The following EFHC2 variants were observed in gnomAD, a reference collection of about 807,000 sequenced individuals.
EFHC2 encodes the protein EF-hand domain containing 2, also known as EF-hand domain-containing family member C2.
In EFHC2, 18 loss-of-function variants were observed where a neutral mutation model predicts 52.7. That is an observed-to-expected ratio of 0.34 (90% CI 0.24 to 0.51). The LOEUF (loss-of-function observed/expected upper bound fraction) is 0.51, where lower values mean the gene tolerates loss of function less well. Among genes scored for constraint, EFHC2 ranks in the 20% least tolerant of loss-of-function variants. EFHC2 has a pLI of 0.97. For missense variants in EFHC2, 513 were observed against 562.5 expected (o/e 0.91, Z 0.89); for synonymous variants, 203 against 204.1 (o/e 0.99, Z 0.04).
At chrX:44,200,628 G>A (rs1035109709) in intron 11 of EFHC2, among the ~76,000 whole-genome samples, 1 of 111,100 alleles carries the variant, frequency 9.0e-6, no homozygotes, top group Non-Finnish European at 1.9e-5. Flanking sequence ...AAAAGACATG[G>A]AGAAAAAAGA....
chrX:44,320,347 A>G (rs955328029), intron 1 of EFHC2, among the ~76,000 whole-genome samples: 11 of 111,908 alleles, frequency 9.8e-5, no homozygotes, highest in African/African-American at 3.6e-4. Flanking sequence ...TCACATCCAC[A>G]GTGTTCAGGA....
intron 1 of EFHC2, among the ~76,000 whole-genome samples, chrX:44,328,104 T>G (rs1013793976): frequency 5.4e-5 from 6 of 111,970 alleles, no homozygotes; most frequent in Non-Finnish European, 9.4e-5. Flanking sequence ...TTGAAACCAC[T>G]GGCTCACGGT....
At chrX:44,228,294 A>C (rs1456830715) in intron 11 of EFHC2, among the ~76,000 whole-genome samples, 1 of 111,770 alleles carries the variant, frequency 8.9e-6, no homozygotes, top group Non-Finnish European at 1.9e-5. Flanking sequence ...GCCTGGCCTA[A>C]GTGCTTCCCA....
chrX:44,334,611 G>A lies in EFHC2; in HGVS notation c.42+8936C>T, dbSNP rs960312272. Among the ~76,000 whole-genome samples, 3 of 111,883 alleles carry A rather than the reference G, an allele frequency of 2.7e-5. No individual in the cohort carries two copies. The East Asian group carries it at 8.4e-4, about 31-fold the overall frequency. On this transcript the variant is annotated intron_variant, in intron 1 of 14. Transcript: ENST00000420999. ...CTGTCTCAGCCTCCCGAGTAGCTGG[G>A]ATTACAGGCATGCGCCACCACGCCC...
chrX:44,291,968 C>T (rs1408163258), intron 2 of EFHC2, among the ~76,000 whole-genome samples: 1 of 111,547 alleles, frequency 9.0e-6, no homozygotes, highest in African/African-American at 3.3e-5. Context: ...TGTTTAAAAT[C>T]AGACTTCCTG....
intron 13 of EFHC2, among the ~76,000 whole-genome samples, chrX:44,168,488 C>T (rs940715910): frequency 6.4e-5 from 7 of 108,679 alleles, no homozygotes; most frequent in African/African-American, 1.7e-4. Context: ...GCCGAGATTG[C>T]GCCACTACAC....
chrX:44,238,389 C>G (rs2037335568), intron 8 of EFHC2, among the ~76,000 whole-genome samples: 1 of 111,732 alleles, frequency 8.9e-6, no homozygotes, highest in Admixed American at 9.5e-5. Flanking sequence ...TTAATTTCCA[C>G]CACTGCCATC....
intron 10 of EFHC2, among the ~76,000 whole-genome samples, chrX:44,231,079 T>C (rs2037272592): frequency 8.9e-6 from 1 of 112,168 alleles, no homozygotes; most frequent in African/African-American, 3.2e-5. Context: ...TGTTTTCGAA[T>C]AGCTACTGGT....
intron 2 of EFHC2, among the ~76,000 whole-genome samples, chrX:44,301,440 T>A (rs1481888974): frequency 8.9e-6 from 1 of 111,960 alleles, no homozygotes; most frequent in East Asian, 2.8e-4. Context: ...AATAACTCTT[T>A]CTCTATTACA....
At chrX:44,194,788 G>A (rs756862023) in intron 11 of EFHC2, among the ~76,000 whole-genome samples, 1 of 111,466 alleles carries the variant, frequency 9.0e-6, no homozygotes, top group South Asian at 3.8e-4. Context: ...GGGAGGGAGT[G>A]TGCAACTCTA....
intron 2 of EFHC2, among the ~76,000 whole-genome samples, chrX:44,297,599 T>G (rs2037835351): frequency 9.2e-6 from 1 of 108,663 alleles, no homozygotes; most frequent in Non-Finnish European, 1.9e-5. Context: ...TGTGGTGGCG[T>G]GCACCTGTAA....
At chrX:44,211,958 C>T (rs1303285639) in intron 11 of EFHC2, among the ~76,000 whole-genome samples, 1 of 109,040 alleles carries the variant, frequency 9.2e-6, no homozygotes, top group Non-Finnish European at 1.9e-5. Flanking sequence ...ATCACTGTCC[C>T]CAAAATTAGA....
intron 11 of EFHC2, among the ~76,000 whole-genome samples, chrX:44,205,319 CACT>C (rs1432841798): frequency 9.0e-6 from 1 of 110,919 alleles, no homozygotes; most frequent in Non-Finnish European, 1.9e-5. Flanking sequence ...TTGCTAACAA[CACT>C]ACAATAGGAA....
In EFHC2 at chrX:44,265,888, C is replaced by T. The variant is rs747811381; in HGVS notation, c.383-4590G>A. Among the ~76,000 whole-genome samples, 111 of 111,819 alleles carry T rather than the reference C, an allele frequency of 9.9e-4. 1 individual carries two copies. Among genetic ancestry groups the T allele is most frequent in the Non-Finnish European group, 2.0e-3 (104 of 53,172 alleles). ...GAATAATTATTTTTATATACACAAC[C>T]GGGCACTCACCTTGCAGCAAAAGAA... is the stretch of plus-strand genomic sequence containing the variant. On this transcript the variant is annotated intron_variant, in intron 3 of 14. Coordinates refer to ENST00000420999, the MANE Select transcript of EFHC2 (RefSeq NM_025184.4).
chrX:44,206,668 C>T (rs1355774117), intron 11 of EFHC2, among the ~76,000 whole-genome samples: 1 of 111,771 alleles, frequency 8.9e-6, no homozygotes, highest in Non-Finnish European at 1.9e-5. Context: ...GATACCCCTA[C>T]AAGTAGAACT....
intron 11 of EFHC2, among the ~76,000 whole-genome samples, chrX:44,193,358 TC>T (rs2036937977): frequency 9.3e-6 from 1 of 107,618 alleles, no homozygotes; most frequent in Non-Finnish European, 1.9e-5. Flanking sequence ...TGTGCCCTGA[TC>T]TACGTTGGGC....
At chrX:44,196,793 GC>G (rs2036969235) in intron 11 of EFHC2, among the ~76,000 whole-genome samples, 1 of 112,299 alleles carries the variant, frequency 8.9e-6, no homozygotes, top group African/African-American at 3.2e-5. Context: ...TTAGTGTTTA[GC>G]ATATGTTAAT....
intron 3 of EFHC2, among the ~76,000 whole-genome samples, chrX:44,267,836 A>G (rs1179111804): frequency 8.9e-6 from 1 of 111,788 alleles, no homozygotes; most frequent in Non-Finnish European, 1.9e-5. Flanking sequence ...TCTTTTTTCC[A>G]ATCACTTAAT....
At chrX:44,276,602 G>A (rs1305469814) in intron 2 of EFHC2, among the ~76,000 whole-genome samples, 1 of 112,131 alleles carries the variant, frequency 8.9e-6, no homozygotes, top group East Asian at 2.8e-4. Flanking sequence ...GCATTTTGAT[G>A]GGAAGTAGTT....
Sources: gnomAD v4.1 joint callset for allele counts (sites outside exome capture counted in the v4.1 genomes callset) on GRCh38, gnomAD v4.1.1 for gene constraint, MANE v1.5 for transcripts, NCBI Gene and HGNC (gene_info 2026-07-23, HGNC 2026-07-21) for gene names.